The following CDH7 variants were observed in gnomAD, a reference collection of about 807,000 sequenced individuals.
CDH7 encodes cadherin 7.
Under a neutral mutation model 71.8 loss-of-function variants are expected in CDH7, and 25 were observed. The ratio of observed to expected loss-of-function variants is 0.35; its 90% CI spans 0.25 to 0.49. The LOEUF (loss-of-function observed/expected upper bound fraction) is 0.49, where lower values mean the gene tolerates loss of function less well. Among genes scored for constraint, CDH7 ranks in the 20% least tolerant of loss-of-function variants. The pLI, the probability that CDH7 is intolerant of heterozygous loss-of-function variation, is 0.99. For missense variants in CDH7, 862 were observed against 974.6 expected (o/e 0.88, Z 1.54); for synonymous variants, 381 against 363.8 (o/e 1.05, Z -0.54).
intron 4 of CDH7, among the ~76,000 whole-genome samples, chr18:65,818,193 C>T (rs961951353): frequency 1.3e-5 from 2 of 152,168 alleles, no homozygotes; most frequent in Non-Finnish European, 2.9e-5. Flanking sequence ...AATGTCTATA[C>T]ATCCCATTCT....
chr18:65,831,298 G>T (rs1053186498), intron 6 of CDH7, among the ~76,000 whole-genome samples: 4 of 152,120 alleles, frequency 2.6e-5, no homozygotes, highest in Non-Finnish European at 5.9e-5. Flanking sequence ...GAGTACCTAT[G>T]TAAGGAATAT....
chr18:65,776,393 CACACACACAG>C (rs1330381150), intron 2 of CDH7, among the ~76,000 whole-genome samples: 24 of 150,512 alleles, frequency 1.6e-4, no homozygotes, highest in African/African-American at 5.9e-4. Context: ...CACACACACA[CACACACACAG>C]AGAGAGAGAG....
chr18:65,765,760 G>GT (rs1371158407), intron 2 of CDH7, among the ~76,000 whole-genome samples: 1 of 151,954 alleles, frequency 6.6e-6, no homozygotes, highest in East Asian at 1.9e-4. Flanking sequence ...GATAACTACC[G>GT]TATGTGTCAA....
chr18:65,881,355 A>G lies in CDH7; in HGVS notation c.*461A>G, dbSNP rs897625076. ...TCAAAACTTGGGACAAATTTAATTT[A>G]CAGAGATGCTTATAGCTTACTATAT... On this transcript the variant is annotated 3_prime_UTR_variant, in exon 12 of 12. Transcript: ENST00000397968. 1.3e-5 allele frequency: 2 copies of G among 153,674 alleles called. No homozygotes were observed. Among genetic ancestry groups the G allele is most frequent in the Non-Finnish European group, 2.9e-5 (2 of 69,008 alleles). The allele number at this position is 153,674 out of a possible 1,614,324, so 9.5% of individuals were successfully genotyped here.
intron 4 of CDH7, among the ~76,000 whole-genome samples, chr18:65,820,274 A>AT (rs941680307): frequency 4.1e-4 from 61 of 147,968 alleles, no homozygotes; most frequent in Middle Eastern, 3.6e-3. Context: ...CCATAGATAG[A>AT]TTTTTTTTTT....
rs137909473 is a variant in CDH7 at position 65,776,035 on chromosome 18, A to G, written c.210+12983A>G. 6.5e-3 allele frequency among the ~76,000 whole-genome samples: 995 copies of G among 152,302 alleles called. 7 individuals carry two copies. Among genetic ancestry groups the G allele is most frequent in the African/African-American group, 0.023 (955 of 41,578 alleles). On this transcript the variant is annotated intron_variant, in intron 2 of 11. Transcript: ENST00000397968. ...AGAGCAGATGTTAGTTATATTTATA[A>G]ATTATTAGAGTAAGAACAGAACTGG...
At chr18:65,800,009 T>C (rs893725818) in intron 2 of CDH7, among the ~76,000 whole-genome samples, 1 of 152,202 alleles carries the variant, frequency 6.6e-6, no homozygotes, top group African/African-American at 2.4e-5. Flanking sequence ...ACAGTTCCCT[T>C]TTGAGTAAAA....
chr18:65,859,573 T>C lies in CDH7; in HGVS notation c.1495-135T>C. ...CTTTTTTAGATTGGGTTCATAATAA[T>C]ACATCGGATCCTTTCTCCCTAGCTC... On this transcript the variant is annotated intron_variant, in intron 9 of 11. Transcript: ENST00000397968. 4 of 602,276 alleles carry C rather than the reference T, an allele frequency of 6.6e-6. No homozygotes were observed. In the South Asian group the frequency reaches 8.3e-5, roughly 13 times the overall value. 37.3% of individuals were successfully genotyped at this position (602,276 alleles called of 1,614,324 possible).
intron 2 of CDH7, among the ~76,000 whole-genome samples, chr18:65,789,349 A>G (rs1910623747): frequency 6.6e-6 from 1 of 152,240 alleles, no homozygotes; most frequent in African/African-American, 2.4e-5. Flanking sequence ...GACTTGAGAA[A>G]ATACAATCTG....
At chr18:65,876,661 A>G (rs550505608) in intron 11 of CDH7, among the ~76,000 whole-genome samples, 1 of 152,246 alleles carries the variant, frequency 6.6e-6, no homozygotes, top group Admixed American at 6.5e-5. Flanking sequence ...ACTTCTTTAT[A>G]AGATCATGTG....
rs1440137937 is a variant in CDH7, at chr18:65,883,967, T to C, written c.*3073T>C. Reference sequence around the variant, plus strand: ...CAAGTAGAGATAATAGTTCAGGAAGTCAATATATTTAATTATTTTCCACTT... The same window carrying C: ...CAAGTAGAGATAATAGTTCAGGAAGCCAATATATTTAATTATTTTCCACTT... On this transcript the variant is annotated 3_prime_UTR_variant, in exon 12 of 12. Coordinates refer to ENST00000397968, the MANE Select transcript of CDH7 (RefSeq NM_004361.5). 3 of 152,070 alleles carry C rather than the reference T, an allele frequency of 2.0e-5. No homozygotes were observed. The highest frequency in any genetic ancestry group is 4.4e-5 in the Non-Finnish European group (3 of 67,970). The allele number at this position is 152,070 out of a possible 1,614,324, so 9.4% of individuals were successfully genotyped here. A position where few individuals can be genotyped will look rare whatever the true frequency, so the allele number is the denominator to read the frequency against.
chr18:65,768,036 C>T (rs1916429291), intron 2 of CDH7, among the ~76,000 whole-genome samples: 1 of 152,066 alleles, frequency 6.6e-6, no homozygotes, highest in Admixed American at 6.6e-5. Flanking sequence ...CAGTTATATG[C>T]CTGATTATAG....
rs1306316275 is a variant in CDH7 at position 65,762,910 on chromosome 18, G to A, written c.68G>A (p.Gly23Glu). 1 of 1,613,560 alleles carries A rather than the reference G, an allele frequency of 6.2e-7. No homozygotes were observed. Among genetic ancestry groups the A allele is most frequent in the South Asian group, 1.1e-5 (1 of 91,056 alleles). The change falls in exon 2 of 12, where the codon GGG (glycine) becomes GAG (glutamate). Residue 23 changes from glycine to glutamate, a missense_variant. Physicochemically the swap from Gly to Glu is moderately conservative, Grantham distance 98. Coordinates refer to ENST00000397968, the MANE Select transcript of CDH7 (RefSeq NM_004361.5). ...QLIALFLCFS[G>E]MSQAELSRSR... ...ATAGCTCTTTTCCTGTGTTTTTCTGGGATGAGTCAAGCAGAACTCTCAAGG... is the reference window on the plus strand; with the variant it reads ...ATAGCTCTTTTCCTGTGTTTTTCTGAGATGAGTCAAGCAGAACTCTCAAGG...
At chr18:65,874,286 T>G (rs1914009405) in intron 11 of CDH7, among the ~76,000 whole-genome samples, 1 of 152,012 alleles carries the variant, frequency 6.6e-6, no homozygotes, top group African/African-American at 2.4e-5. Context: ...CTTTACAGAG[T>G]TTTAGGCTAG....
rs1379694039 is a variant in CDH7, at chr18:65,889,088, A to C, written c.*8194A>C. 1 of 151,884 alleles carries C rather than the reference A, an allele frequency of 6.6e-6. No homozygotes were observed. Among genetic ancestry groups the C allele is most frequent in the Non-Finnish European group, 1.5e-5 (1 of 67,924 alleles). The allele number at this position is 151,884 out of a possible 1,614,324, so 9.4% of individuals were successfully genotyped here. A position where few individuals can be genotyped will look rare whatever the true frequency, so the allele number is the denominator to read the frequency against. On this transcript the variant is annotated 3_prime_UTR_variant, in exon 12 of 12. Transcript: ENST00000397968. ...CGATGGCACTTCACCAGTATGTCCT[A>C]ATCTATTCTCTATTACGTCTCTGAG...
At chr18:65,834,520 G>T (rs191792775) in intron 6 of CDH7, among the ~76,000 whole-genome samples, 1 of 152,098 alleles carries the variant, frequency 6.6e-6, no homozygotes, top group East Asian at 1.9e-4. Flanking sequence ...AAGGCAAACT[G>T]TTTTATTCTT....
chr18:65,845,504 C>A (rs1204292514), intron 7 of CDH7, among the ~76,000 whole-genome samples: 1 of 152,048 alleles, frequency 6.6e-6, no homozygotes, highest in African/African-American at 2.4e-5. Context: ...TTCAGCCCCA[C>A]ATACCAAGTT....
intron 10 of CDH7, among the ~76,000 whole-genome samples, chr18:65,860,644 G>A (rs1344762798): frequency 1.3e-5 from 2 of 152,046 alleles, no homozygotes; most frequent in African/African-American, 2.4e-5. Flanking sequence ...CAACAGCATG[G>A]AAAATATCTA....
intron 2 of CDH7, among the ~76,000 whole-genome samples, chr18:65,769,208 A>G (rs1916471675): frequency 6.6e-6 from 1 of 152,174 alleles, no homozygotes; most frequent in Non-Finnish European, 1.5e-5. Flanking sequence ...TTTTAATACA[A>G]TCTTCAAATC....
Sources: gnomAD v4.1 joint callset for allele counts (sites outside exome capture counted in the v4.1 genomes callset) on GRCh38, gnomAD v4.1.1 for gene constraint, MANE v1.5 for transcripts, NCBI Gene and HGNC (gene_info 2026-07-23, HGNC 2026-07-21) for gene names.